Variants in KCNG2 observed in about 807,000 individuals in gnomAD.
The protein encoded by KCNG2 is voltage-gated potassium channel regulatory subunit KCNG2.
A neutral mutation model predicts 12.3 loss-of-function variants in KCNG2; 7 were observed. The ratio of observed to expected loss-of-function variants is 0.57; its 90% CI spans 0.32 to 1.07. The LOEUF (loss-of-function observed/expected upper bound fraction) is 1.07, where lower values mean the gene tolerates loss of function less well. KCNG2 is among the 50% of genes least tolerant of loss of function. The probability of loss-of-function intolerance (pLI) is 0.04; values close to 1 mark genes in which losing one functional copy is unlikely to be tolerated. For synonymous variants in KCNG2, 414 were observed against 351.4 expected (o/e 1.18, Z -1.99); for missense variants, 703 against 726.0 (o/e 0.97, Z 0.36).
At chr18:79,829,751 G>C (rs1311628878) in intron 1 of KCNG2, among the ~76,000 whole-genome samples, 2 of 152,338 alleles carry the variant, frequency 1.3e-5, no homozygotes, top group Non-Finnish European at 1.5e-5. Flanking sequence ...TGTGTGGAAA[G>C]CTGGTGCCGG....
In KCNG2 at chr18:79,803,035, G is replaced by A. The variant is rs1003336915; in HGVS notation, c.-115+5021G>A. Among the ~76,000 whole-genome samples, 2 of 152,134 alleles carry A rather than the reference G, an allele frequency of 1.3e-5. No individual in the cohort carries two copies. The highest frequency in any genetic ancestry group is 4.8e-5 in the African/African-American group (2 of 41,428). ...CTCTACTAAAACACAAAAATTAGCCGGGCATGGTGGCAGGCACCTGTAATT... is the reference window on the plus strand; with the variant it reads ...CTCTACTAAAACACAAAAATTAGCCAGGCATGGTGGCAGGCACCTGTAATT... On this transcript the variant is annotated intron_variant, in intron 1 of 3. Coordinates refer to ENST00000316249, the MANE Select transcript of KCNG2 (RefSeq NM_012283.2). This position sits in a 1 kb window ranked among gnomAD's most constrained non-coding sequence, Gnocchi z 4.5.
At chr18:79,805,170 A>G (rs2087439689) in intron 1 of KCNG2, among the ~76,000 whole-genome samples, 1 of 152,220 alleles carries the variant, frequency 6.6e-6, no homozygotes, top group Non-Finnish European at 1.5e-5. Context: ...CATATCGTCA[A>G]AAGTTAGAAA....
intron 1 of KCNG2, among the ~76,000 whole-genome samples, chr18:79,828,750 G>GGTGTCTATGTGTGCGT (rs1280712330): frequency 4.2e-5 from 6 of 142,548 alleles, no homozygotes; most frequent in African/African-American, 1.6e-4. Flanking sequence ...TCTGTGTGTG[G>GGTGTCTATGTGTGCGT]GTGTCTATGT....
intron 3 of KCNG2, among the ~76,000 whole-genome samples, chr18:79,883,065 G>A (rs1419470266): frequency 2.6e-5 from 4 of 152,368 alleles, no homozygotes; most frequent in East Asian, 3.9e-4. Flanking sequence ...GGACCGCGAC[G>A]GCCGGTGCCA....
chr18:79,823,322 T>C (rs973165152), intron 1 of KCNG2, among the ~76,000 whole-genome samples: 9 of 152,204 alleles, frequency 5.9e-5, no homozygotes, highest in Non-Finnish European at 1.3e-4. Flanking sequence ...GAACACCACA[T>C]GTGGACCTTT....
At position 79,805,433 on chromosome 18, in the gene KCNG2, C is replaced by T. The variant is rs898220444; in HGVS notation, c.-115+7419C>T. Among the ~76,000 whole-genome samples, 4 of 152,234 alleles carry T rather than the reference C, an allele frequency of 2.6e-5. 1 individual carries two copies. Among genetic ancestry groups the T allele is most frequent in the Non-Finnish European group, 5.9e-5 (4 of 68,042 alleles). The stretch of plus-strand genomic sequence containing the variant: ...CTGCGGAGCTTCCTCCAGACTTGGG[C>T]CCTGCTGGCTGCACCCACACAAAAG... On this transcript the variant is annotated intron_variant, in intron 1 of 3. Coordinates refer to ENST00000316249, the MANE Select transcript of KCNG2 (RefSeq NM_012283.2).
chr18:79,897,392 ACTTTTC>A, intron 3 of KCNG2, among the ~76,000 whole-genome samples: 1 of 152,260 alleles, frequency 6.6e-6, no homozygotes. Context: ...CAATTATTGC[ACTTTTC>A]AATTCCAGAA....
At chr18:79,889,281 A>G (rs1487069130) in intron 3 of KCNG2, among the ~76,000 whole-genome samples, 2 of 152,196 alleles carry the variant, frequency 1.3e-5, no homozygotes, top group African/African-American at 4.8e-5. Context: ...TAGCACCCAC[A>G]TTTTGAGCTT....
chr18:79,817,204 G>T (rs902207422), intron 1 of KCNG2, among the ~76,000 whole-genome samples: 1 of 149,464 alleles, frequency 6.7e-6, no homozygotes, highest in African/African-American at 2.5e-5. Flanking sequence ...CTGTCACATG[G>T]TTGTCACACG....
At chr18:79,832,129 G>A (rs1978299403) in intron 1 of KCNG2, among the ~76,000 whole-genome samples, 2 of 152,120 alleles carry the variant, frequency 1.3e-5, no homozygotes, top group African/African-American at 4.8e-5. Flanking sequence ...TCTATCCGCT[G>A]CTCATAGCTT....
At chr18:79,843,978 C>T (rs1475005373) in intron 1 of KCNG2, among the ~76,000 whole-genome samples, 2 of 152,184 alleles carry the variant, frequency 1.3e-5, no homozygotes, top group Admixed American at 1.3e-4. Context: ...GTGCTGCCTA[C>T]AAGAGACTTG....
intron 1 of KCNG2, among the ~76,000 whole-genome samples, chr18:79,853,906 G>A (rs1381579729): frequency 2.0e-5 from 3 of 152,236 alleles, no homozygotes; most frequent in Admixed American, 2.0e-4. Context: ...GGGCCAAGTG[G>A]GGAGCTGGCT....
chr18:79,847,141 C>T (rs1369515826), intron 1 of KCNG2, among the ~76,000 whole-genome samples: 2 of 152,268 alleles, frequency 1.3e-5, no homozygotes, highest in African/African-American at 4.8e-5. Context: ...GAACAGTTGG[C>T]TTCTGAGCTT....
intron 1 of KCNG2, among the ~76,000 whole-genome samples, chr18:79,854,588 G>A (rs1175070394): frequency 6.0e-5 from 9 of 150,182 alleles, no homozygotes; most frequent in Non-Finnish European, 1.0e-4. Context: ...GTGCGGTGGC[G>A]TGATCTTGGC....
rs938113400 is a variant in KCNG2, at chr18:79,884,427, C to T, written c.625-14613C>T. On this transcript the variant is annotated intron_variant, in intron 3 of 3. Coordinates refer to ENST00000316249, the MANE Select transcript of KCNG2 (RefSeq NM_012283.2). The surrounding 1 kb of genome is among the most constrained non-coding windows in gnomAD (Gnocchi z 5.5). Reference sequence around the variant, plus strand: ...GAGGGCGCCTCTGCTCAACCCCGGCCTGGCAGGGACTGGCTGGTTCCCTTC... The same window carrying T: ...GAGGGCGCCTCTGCTCAACCCCGGCTTGGCAGGGACTGGCTGGTTCCCTTC... Among the ~76,000 whole-genome samples, 5 of 152,212 alleles carry T rather than the reference C, an allele frequency of 3.3e-5. No individual in the cohort carries two copies. Among genetic ancestry groups the T allele is most frequent in the Admixed American group, 1.3e-4 (2 of 15,290 alleles).
At chr18:79,889,461 TGTAA>T (rs1322401156) in intron 3 of KCNG2, among the ~76,000 whole-genome samples, 1 of 138,552 alleles carries the variant, frequency 7.2e-6, no homozygotes, top group Non-Finnish European at 1.7e-5. Context: ...GTTATCAAAG[TGTAA>T]GTTTTTTTGT....
intron 1 of KCNG2, among the ~76,000 whole-genome samples, chr18:79,806,701 A>ATT (rs2122989891): frequency 6.6e-6 from 1 of 152,326 alleles, no homozygotes; most frequent in Admixed American, 6.5e-5. Context: ...TGATTTACTG[A>ATT]TGAATTGGCC....
intron 1 of KCNG2, among the ~76,000 whole-genome samples, chr18:79,840,653 A>C (rs1978431298): frequency 6.6e-6 from 1 of 152,246 alleles, no homozygotes; most frequent in South Asian, 2.1e-4. Context: ...GAAAAGAAGA[A>C]TAAAGTGGGG....
chr18:79,831,653 C>T (rs2613523), intron 1 of KCNG2, among the ~76,000 whole-genome samples: 3 of 22,804 alleles, frequency 1.3e-4, no homozygotes, highest in Admixed American at 1.0e-3. Flanking sequence ...GCGTGCCCTG[C>T]GGACAGAGCC....
Sources: gnomAD v4.1 joint callset for allele counts (sites outside exome capture counted in the v4.1 genomes callset) on GRCh38, gnomAD v4.1.1 for gene constraint, Gnocchi (gnomAD v3.1) non-coding constraint, MANE v1.5 for transcripts, NCBI Gene and HGNC (gene_info 2026-07-23, HGNC 2026-07-21) for gene names.